Variants in TMTC2 observed in about 807,000 individuals in gnomAD.
TMTC2 encodes the protein transmembrane O-mannosyltransferase targeting cadherins 2, also known as protein O-mannosyl-transferase TMTC2.
TMTC2 carries 43 observed loss-of-function variants against 82.4 expected under a neutral mutation model. That is an observed-to-expected ratio of 0.52 (90% confidence interval 0.41 to 0.67). The LOEUF is 0.67. TMTC2 is among the 30% of genes least tolerant of loss of function. The probability of loss-of-function intolerance (pLI) is 0.00; values close to 1 mark genes in which losing one functional copy is unlikely to be tolerated. For missense variants in TMTC2, 919 were observed against 1,012.4 expected (o/e 0.91, Z 1.25); for synonymous variants, 408 against 381.9 (o/e 1.07, Z -0.80).
intron 2 of TMTC2, among the ~76,000 whole-genome samples, chr12:82,876,034 T>TGGTGGC (rs1555193430): frequency 4.9e-4 from 38 of 78,128 alleles, no homozygotes; most frequent in East Asian, 6.8e-4. Context: ...GTGGCGGTGG[T>TGGTGGC]GGTGGTGGTG....
chr12:83,050,912 C>T lies in TMTC2; in HGVS notation c.2161C>T (p.Leu721Phe), dbSNP rs766104680. Reference protein sequence around the residue: ...GNCYMHYGQFLLEEARLIEAA... With the variant: ...GNCYMHYGQFFLEEARLIEAA... ...GTTTTTATACTTTTCAGGTCAGTTT[C>T]TTCTGGAAGAAGCTCGTCTCATAGA... The change falls in exon 10 of 12, where the codon CTT becomes TTT. Residue 721 changes from leucine to phenylalanine, a missense_variant. Physicochemically the swap from Leu to Phe is conservative, Grantham distance 22. Transcript: ENST00000321196. 6.2e-7 allele frequency: 1 copy of T among 1,611,782 alleles called. No individual in the cohort carries two copies. The highest frequency in any genetic ancestry group is 1.1e-5 in the South Asian group (1 of 90,740).
chr12:83,053,118 A>C (rs1044051591), intron 10 of TMTC2, among the ~76,000 whole-genome samples: 2 of 152,178 alleles, frequency 1.3e-5, no homozygotes, highest in African/African-American at 2.4e-5. Context: ...AGGAGTAAGA[A>C]AGGTTACTGG....
intron 4 of TMTC2, among the ~76,000 whole-genome samples, chr12:82,941,382 G>A (rs1876710219): frequency 6.6e-6 from 1 of 152,168 alleles, no homozygotes; most frequent in Non-Finnish European, 1.5e-5. Context: ...CTGTGTATAT[G>A]TTAATAAACT....
chr12:82,945,467 A>C (rs1162888880), intron 4 of TMTC2, among the ~76,000 whole-genome samples: 1 of 152,220 alleles, frequency 6.6e-6, no homozygotes, highest in Non-Finnish European at 1.5e-5. Context: ...AGAAGTTCAT[A>C]ATCACATCCT....
chr12:82,962,161 A>G (rs543721843), intron 4 of TMTC2, among the ~76,000 whole-genome samples: 3 of 151,902 alleles, frequency 2.0e-5, no homozygotes, highest in Non-Finnish European at 4.4e-5. Flanking sequence ...TGTATATTTT[A>G]TGAATTGGAT....
chr12:82,942,798 A>G (rs899138630), intron 4 of TMTC2, among the ~76,000 whole-genome samples: 52 of 152,326 alleles, frequency 3.4e-4, no homozygotes, highest in Non-Finnish European at 5.0e-4. Context: ...AAAGGATTTT[A>G]TGGAGAAGCT....
chr12:83,132,487 C>A lies in TMTC2; in HGVS notation c.*98C>A. The A allele has an allele frequency of 7.3e-7, 1 of 1,376,560 alleles. No individual in the cohort carries two copies. Among genetic ancestry groups the A allele is most frequent in the South Asian group, 1.3e-5 (1 of 77,002 alleles). 85.3% of individuals were successfully genotyped at this position (1,376,560 alleles called of 1,614,324 possible). ...TGCTATGACAAGAGCTGGTGTTAGA[C>A]TTCAAGACCAGGGCAGAGGTCATTG... On this transcript the variant is annotated 3_prime_UTR_variant, in exon 12 of 12. Transcript: ENST00000321196.
chr12:82,782,213 G>A (rs529857705), intron 1 of TMTC2, among the ~76,000 whole-genome samples: 4 of 152,240 alleles, frequency 2.6e-5, no homozygotes, highest in Non-Finnish European at 4.4e-5. Flanking sequence ...TCCTCCCACT[G>A]TGAACACTGG....
At chr12:83,037,106 G>A (rs1176932647) in intron 9 of TMTC2, among the ~76,000 whole-genome samples, 4 of 152,040 alleles carry the variant, frequency 2.6e-5, no homozygotes, top group Admixed American at 6.6e-5. Flanking sequence ...CATGAGCTTT[G>A]GTAGGAACAG....
At chr12:82,751,849 T>C (rs983039342) in intron 1 of TMTC2, among the ~76,000 whole-genome samples, 2 of 152,176 alleles carry the variant, frequency 1.3e-5, no homozygotes, top group Non-Finnish European at 1.5e-5. Context: ...TATTTACATA[T>C]TTTGGATGGT....
chr12:82,709,333 G>A (rs1023929286), intron 1 of TMTC2, among the ~76,000 whole-genome samples: 1 of 152,122 alleles, frequency 6.6e-6, no homozygotes. Context: ...AGTAACAATT[G>A]GCTTTTCAAA....
Position 83,002,933 on chromosome 12 carries a change from T to C in TMTC2, c.2070+16887T>C, listed in dbSNP as rs569127329. 3.7e-4 allele frequency among the ~76,000 whole-genome samples: 57 copies of C among 152,200 alleles called. 1 individual carries two copies. Among genetic ancestry groups the C allele is most frequent in the Admixed American group, 6.5e-4 (10 of 15,300 alleles). ...TCTATTAGATCCAGTTATTGAAGTG[T>C]CAAGTTTAGGCCTAGGTTTTTTTGT... On this transcript the variant is annotated intron_variant, in intron 8 of 11. Coordinates refer to ENST00000321196, the MANE Select transcript of TMTC2 (RefSeq NM_152588.3).
chr12:82,794,478 G>A (rs1319048962), intron 1 of TMTC2, among the ~76,000 whole-genome samples: 3 of 152,094 alleles, frequency 2.0e-5, no homozygotes, highest in Non-Finnish European at 2.9e-5. Context: ...CCACAAACAA[G>A]TGAAGGACTC....
At chr12:82,915,316 C>G (rs1477491702) in intron 3 of TMTC2, among the ~76,000 whole-genome samples, 1 of 152,170 alleles carries the variant, frequency 6.6e-6, no homozygotes, top group Non-Finnish European at 1.5e-5. Flanking sequence ...TTATGCATAG[C>G]ATACCTAGCC....
chr12:82,688,996 C>G (rs1317019758), intron 1 of TMTC2, among the ~76,000 whole-genome samples: 1 of 152,176 alleles, frequency 6.6e-6, no homozygotes, highest in African/African-American at 2.4e-5. Flanking sequence ...GTAGTGCCTA[C>G]CAGAGGCTAG....
intron 1 of TMTC2, among the ~76,000 whole-genome samples, chr12:82,743,414 T>C (rs1363946296): frequency 6.9e-6 from 1 of 144,538 alleles, no homozygotes; most frequent in Non-Finnish European, 1.5e-5. Flanking sequence ...ACAACTGCAC[T>C]CCAACCTGGG....
At chr12:82,765,217 C>G (rs1876882200) in intron 1 of TMTC2, among the ~76,000 whole-genome samples, 1 of 151,980 alleles carries the variant, frequency 6.6e-6, no homozygotes, top group Non-Finnish European at 1.5e-5. Context: ...TTTGGGGGTC[C>G]CAAGATTTAA....
In TMTC2 at chr12:83,109,171, GT is replaced by G. The variant is rs568916722; in HGVS notation, c.2332-23036del. 3.7e-3 allele frequency among the ~76,000 whole-genome samples: 570 copies of G among 152,304 alleles called. 2 individuals carry two copies. Among genetic ancestry groups the G allele is most frequent in the Non-Finnish European group, 5.9e-3 (404 of 68,036 alleles). ...AGAAAAGAGGTTTAATTGGCTCACA[GT>G]TTCACAGGCCATACAGGAAGCATGT... On this transcript the variant is annotated intron_variant, in intron 11 of 11. Coordinates refer to ENST00000321196, the MANE Select transcript of TMTC2 (RefSeq NM_152588.3).
intron 1 of TMTC2, among the ~76,000 whole-genome samples, chr12:82,827,708 T>C (rs1409638481): frequency 1.3e-5 from 2 of 151,596 alleles, no homozygotes; most frequent in Admixed American, 6.6e-5. Context: ...TCTCTCTTTC[T>C]TTCTTTCTCA....
Sources: gnomAD v4.1 joint callset for allele counts (sites outside exome capture counted in the v4.1 genomes callset) on GRCh38, gnomAD v4.1.1 for gene constraint, MANE v1.5 for transcripts, NCBI Gene and HGNC (gene_info 2026-07-23, HGNC 2026-07-21) for gene names.